The following KIAA1549L variants were observed in gnomAD, a reference collection of about 807,000 sequenced individuals.
The protein encoded by KIAA1549L is KIAA1549 like.
KIAA1549L carries 88 observed loss-of-function variants against 160.7 expected under a neutral mutation model. That is an observed-to-expected ratio of 0.55 (90% confidence interval 0.46 to 0.65). The LOEUF (loss-of-function observed/expected upper bound fraction) is 0.65. KIAA1549L is among the 30% of genes least tolerant of loss of function. KIAA1549L has a pLI of 0.00. For synonymous variants in KIAA1549L, 950 were observed against 976.7 expected, an observed-to-expected ratio of 0.97 and a Z score of 0.51; for missense variants, 2,258 against 2,437.5, an observed-to-expected ratio of 0.93 and a Z score of 1.55.
intron 3 of KIAA1549L, 147 bp downstream of exon 3, chr11:33,545,525 G>T: frequency 2.0e-6 from 2 of 1,004,536 alleles, no homozygotes; most frequent in Non-Finnish European, 2.8e-6. Flanking sequence ...AGACATTTTT[G>T]GTTGTTATGC....
chr11:33,463,029 G>A (rs772053675), intron 1 of KIAA1549L, among the ~76,000 whole-genome samples: 4 of 151,888 alleles, frequency 2.6e-5, no homozygotes, highest in African/African-American at 4.8e-5. Flanking sequence ...GGGGTTCACC[G>A]TGTTGGCCAG....
At chr11:33,412,769 T>TG in intron 1 of KIAA1549L, among the ~76,000 whole-genome samples, 1 of 152,350 alleles carries the variant, frequency 6.6e-6, no homozygotes, top group East Asian at 1.9e-4. Context: ...CTTAATCTGT[T>TG]GAAGTATTAT....
At position 33,660,564 on chromosome 11, in the gene KIAA1549L, C is replaced by CA. The variant is rs72519772; in HGVS notation, c.6008-287dup. On this transcript the variant is annotated intron_variant, in intron 19 of 20. Coordinates refer to ENST00000658780, the MANE Select transcript of KIAA1549L (RefSeq NM_012194.3). ...TGGGCGACAGAGCGAGACTCCGTCT[C>CA]AAAAAAAAAAAAGAAAGAAGACCAG... Among the ~76,000 whole-genome samples, 200 of 103,460 alleles carry CA rather than the reference C, an allele frequency of 1.9e-3. 3 individuals are homozygous for CA. Among genetic ancestry groups the CA allele is most frequent in the African/African-American group, 5.7e-3 (156 of 27,478 alleles). 67.9% of individuals were successfully genotyped at this position (103,460 alleles called of 152,430 possible).
chr11:33,387,784 A>G (rs1850201656), intron 1 of KIAA1549L, among the ~76,000 whole-genome samples: 1 of 152,126 alleles, frequency 6.6e-6, no homozygotes, highest in Non-Finnish European at 1.5e-5. Context: ...TAACAGCCTC[A>G]AGATCTTCCC....
At chr11:33,534,119 GT>G (rs1308373904) in intron 1 of KIAA1549L, among the ~76,000 whole-genome samples, 1 of 152,020 alleles carries the variant, frequency 6.6e-6, no homozygotes, top group Non-Finnish European at 1.5e-5. Flanking sequence ...TTGAGACAGA[GT>G]CTTGCTCTCT....
intron 1 of KIAA1549L, among the ~76,000 whole-genome samples, chr11:33,412,390 T>C (rs139911462): frequency 3.3e-5 from 5 of 152,360 alleles, no homozygotes; most frequent in East Asian, 1.9e-4. Context: ...GGGAGCTGTT[T>C]TGCAGACTTA....
At position 33,583,364 on chromosome 11, in the gene KIAA1549L, C is replaced by T; in HGVS notation, c.4429C>T (p.Leu1477=). The T allele has an allele frequency of 6.2e-7, 1 of 1,606,382 alleles. No homozygotes were observed. Among genetic ancestry groups the T allele is most frequent in the Non-Finnish European group, 8.5e-7 (1 of 1,176,556 alleles). The part of the protein sequence containing the change: ...DPVVKNPPNN[L]WIIAAVLAPI... ...CGTGGTGAAGAACCCGCCCAATAAC[C>T]TGTGGATCATCGCTGCAGTGCTGGC... The change falls in exon 11 of 21, where the codon CTG becomes TTG. Residue 1477 remains leucine (L), a synonymous_variant. Transcript: ENST00000658780.
At chr11:33,435,232 C>T (rs908287384) in intron 1 of KIAA1549L, among the ~76,000 whole-genome samples, 3 of 152,140 alleles carry the variant, frequency 2.0e-5, no homozygotes, top group Non-Finnish European at 4.4e-5. Flanking sequence ...GAAGAATTGC[C>T]TTGTATCTAG....
intron 1 of KIAA1549L, among the ~76,000 whole-genome samples, chr11:33,430,181 C>T (rs953163507): frequency 6.7e-5 from 10 of 149,018 alleles, no homozygotes; most frequent in African/African-American, 2.2e-4. Flanking sequence ...AGTATTTCCC[C>T]ACCTACCTCC....
At chr11:33,565,399 A>G (rs1855015059) in intron 8 of KIAA1549L, among the ~76,000 whole-genome samples, 1 of 152,194 alleles carries the variant, frequency 6.6e-6, no homozygotes, top group Non-Finnish European at 1.5e-5. Context: ...GTACCAGGCT[A>G]GAAGCATTTT....
chr11:33,630,638 C>T (rs557787006), intron 16 of KIAA1549L, among the ~76,000 whole-genome samples: 5 of 152,248 alleles, frequency 3.3e-5, no homozygotes, highest in Non-Finnish European at 7.3e-5. Flanking sequence ...CCTGCTTCGG[C>T]TCATGCATGG....
intron 4 of KIAA1549L, among the ~76,000 whole-genome samples, chr11:33,550,735 C>T (rs961146028): frequency 3.3e-5 from 5 of 152,142 alleles, no homozygotes; most frequent in African/African-American, 9.7e-5. Context: ...CTACTCTCTC[C>T]TCCCTACCTT....
chr11:33,377,177 A>G (rs1303159172), intron 1 of KIAA1549L, among the ~76,000 whole-genome samples: 1 of 152,182 alleles, frequency 6.6e-6, no homozygotes, highest in Non-Finnish European at 1.5e-5. Flanking sequence ...GACACCTTAA[A>G]CGGGAAATGT....
At position 33,619,528 on chromosome 11, in the gene KIAA1549L, G is replaced by A. The variant is rs920708882; in HGVS notation, c.5409+866G>A. On this transcript the variant is annotated intron_variant, in intron 16 of 20. Transcript: ENST00000658780. ...TAAAATATACCATGCTAATTGGAAA[G>A]CAACAATATTTTTCTCCCTCAGGAT... is the stretch of plus-strand genomic sequence containing the variant. Among the ~76,000 whole-genome samples the A allele has an allele frequency of 1.2e-4, 18 of 152,130 alleles. 1 individual carries two copies. The highest frequency in any genetic ancestry group is 4.4e-5 in the Non-Finnish European group (3 of 68,018).
chr11:33,563,831 A>G (rs1262213606), intron 8 of KIAA1549L, among the ~76,000 whole-genome samples: 1 of 152,132 alleles, frequency 6.6e-6, no homozygotes, highest in Admixed American at 6.5e-5. Flanking sequence ...CCTCCCTTCT[A>G]TTAACTTTAA....
At chr11:33,495,599 G>T (rs2133076119) in intron 1 of KIAA1549L, among the ~76,000 whole-genome samples, 1 of 152,276 alleles carries the variant, frequency 6.6e-6, no homozygotes, top group East Asian at 1.9e-4. Flanking sequence ...GCGTGCATGT[G>T]TCTTTATAGC....
At position 33,669,968 on chromosome 11, in the gene KIAA1549L, T is replaced by TATC. The variant is rs374333489; in HGVS notation, c.*1816_*1818dup. 43 of 152,360 alleles carry TATC rather than the reference T, an allele frequency of 2.8e-4. No homozygotes were observed. The highest frequency in any genetic ancestry group is 9.9e-4 in the African/African-American group (41 of 41,596). The allele number at this position is 152,360 out of a possible 1,614,324, so 9.4% of individuals were successfully genotyped here. ...CCCGTGTGTATATATGGTATATTTC[T>TATC]ATCAATGGCCAGTTGTTGTAGTCCA... On this transcript the variant is annotated 3_prime_UTR_variant, in exon 21 of 21. Transcript: ENST00000658780.
rs1270906295 is a variant in KIAA1549L, at chr11:33,435,832, G to GTATATA, written c.238+58948_238+58949insATATAT. On this transcript the variant is annotated intron_variant, in intron 1 of 20. Transcript: ENST00000658780. ...TATATGTGTGTGTATATATATATAT[G>GTATATA]TATATGTATATGTGTGTGTGTGTGT... Among the ~76,000 whole-genome samples the GTATATA allele has an allele frequency of 7.1e-4, 24 of 33,580 alleles. 3 individuals are homozygous for GTATATA. Among genetic ancestry groups the GTATATA allele is most frequent in the East Asian group, 3.4e-3 (5 of 1,460 alleles). The allele number at this position is 33,580 out of a possible 152,430, so 22.0% of individuals were successfully genotyped here. A position where few individuals can be genotyped will look rare whatever the true frequency, so the allele number is the denominator to read the frequency against.
At chr11:33,655,753 G>A (rs1174291128) in intron 17 of KIAA1549L, among the ~76,000 whole-genome samples, 2 of 152,180 alleles carry the variant, frequency 1.3e-5, no homozygotes, top group Non-Finnish European at 2.9e-5. Context: ...TGGAAGAAAA[G>A]CCCAAGGTGA....
Sources: gnomAD v4.1 joint callset for allele counts (sites outside exome capture counted in the v4.1 genomes callset) on GRCh38, gnomAD v4.1.1 for gene constraint, MANE v1.5 for transcripts, NCBI Gene and HGNC (gene_info 2026-07-23, HGNC 2026-07-21) for gene names.